Variants in IKZF2 observed in about 807,000 individuals in gnomAD.
The protein encoded by IKZF2 is IKAROS family zinc finger 2, also known as zinc finger protein Helios.
A neutral mutation model predicts 49.2 loss-of-function variants in IKZF2; 15 were observed. That is an observed-to-expected ratio of 0.30 (90% CI 0.20 to 0.47). The LOEUF (loss-of-function observed/expected upper bound fraction) is 0.47. Ranked by LOEUF, IKZF2 falls within the 20% of genes least tolerant of loss-of-function variation. The pLI, the probability that IKZF2 is intolerant of heterozygous loss-of-function variation, is 1.00. For synonymous variants in IKZF2, 227 were observed against 221.4 expected (o/e 1.03, Z -0.23); for missense variants, 567 against 664.6 (o/e 0.85, Z 1.61).
intron 6 of IKZF2, among the ~76,000 whole-genome samples, chr2:213,043,546 A>G (rs1347284821): frequency 1.3e-5 from 2 of 152,366 alleles, no homozygotes; most frequent in African/African-American, 2.4e-5. Context: ...TTAATACTCT[A>G]TATCAGCAGT....
chr2:212,999,709 G>C lies in IKZF2; in HGVS notation c.*7651C>G, dbSNP rs1214546460. 2.0e-5 allele frequency: 3 copies of C among 152,336 alleles called. No individual in the cohort carries two copies. The highest frequency in any genetic ancestry group is 3.9e-4 in the East Asian group (2 of 5,186). The allele number at this position is 152,336 out of a possible 1,614,324, so 9.4% of individuals were successfully genotyped here. A position where few individuals can be genotyped will look rare whatever the true frequency, so the allele number is the denominator to read the frequency against. On this transcript the variant is annotated 3_prime_UTR_variant, in exon 9 of 9. Coordinates refer to ENST00000434687, the MANE Select transcript of IKZF2 (RefSeq NM_001387220.1). ...TTTTTATAGCAAACTTTTTATGTCAGAAGTTTATTTTATTGGTAAAATATT... is the reference window on the plus strand; with the variant it reads ...TTTTTATAGCAAACTTTTTATGTCACAAGTTTATTTTATTGGTAAAATATT...
intron 4 of IKZF2, among the ~76,000 whole-genome samples, chr2:213,085,305 T>G (rs548804431): frequency 3.3e-5 from 5 of 152,320 alleles, no homozygotes; most frequent in Non-Finnish European, 5.9e-5. Context: ...AAAAGCCTTT[T>G]GGACACATGT....
At chr2:213,147,642 A>G (rs2061122822) in intron 4 of IKZF2, 66 bp downstream of exon 4, 1 of 1,209,448 alleles carries the variant, frequency 8.3e-7, no homozygotes, top group African/African-American at 1.5e-5. Context: ...CACAGACCTA[A>G]CAAATTAAAG....
chr2:213,148,689 G>A (rs1202958761), intron 2 of IKZF2, 45 bp from the exon 3 acceptor site: 28 of 1,471,656 alleles, frequency 1.9e-5, no homozygotes, highest in Non-Finnish European at 2.6e-5. Context: ...ATTCCTTTCA[G>A]TATCTGCCAT....
rs192453465 is a variant in IKZF2 at position 213,105,173 on chromosome 2, T to C, written c.139+42535A>G. On this transcript the variant is annotated intron_variant, in intron 4 of 8. Coordinates refer to ENST00000434687, the MANE Select transcript of IKZF2 (RefSeq NM_001387220.1). ...CAGGGACTCCCTGAAATGTCCAATT[T>C]ATTCCCCTGACCCTCCCAAAAGGTT... is the stretch of plus-strand genomic sequence containing the variant. Among the ~76,000 whole-genome samples the C allele has an allele frequency of 8.9e-4, 135 of 152,208 alleles. 1 individual carries two copies. The highest frequency in any genetic ancestry group is 3.1e-3 in the African/African-American group (127 of 41,532).
At chr2:213,042,135 C>T (rs1482443417) in intron 6 of IKZF2, among the ~76,000 whole-genome samples, 7 of 148,642 alleles carry the variant, frequency 4.7e-5, no homozygotes, top group Non-Finnish European at 9.1e-5. Flanking sequence ...CTAGACAGCA[C>T]ATTTTTTTTT....
In IKZF2 at chr2:213,150,310, C is replaced by T. The variant is rs1575017517; in HGVS notation, c.-119-63G>A. On this transcript the variant is annotated intron_variant, in intron 1 of 8. Transcript: ENST00000434687. The stretch of plus-strand genomic sequence containing the variant: ...GTGTTTCCCCCTTCTCTCTTTCCCT[C>T]CCTTGCCCCCTCCAAGCCAAGCCCC... The T allele has an allele frequency of 8.7e-6, 5 of 575,656 alleles. No homozygotes were observed. In the East Asian group the frequency reaches 2.0e-4, roughly 23 times the overall value. 35.7% of individuals were successfully genotyped at this position (575,656 alleles called of 1,614,324 possible).
chr2:213,073,017 T>C (rs1022749984), intron 4 of IKZF2, among the ~76,000 whole-genome samples: 2 of 152,126 alleles, frequency 1.3e-5, no homozygotes, highest in Admixed American at 1.3e-4. Context: ...AGAATACTTA[T>C]CCAGTATAAG....
chr2:213,028,636 G>A (rs922560640), intron 6 of IKZF2, among the ~76,000 whole-genome samples: 2 of 152,052 alleles, frequency 1.3e-5, no homozygotes, highest in Non-Finnish European at 2.9e-5. Flanking sequence ...TATAATCAAT[G>A]GCATTGCTTT....
At chr2:213,024,416 A>G (rs996137269) in intron 6 of IKZF2, among the ~76,000 whole-genome samples, 2 of 152,176 alleles carry the variant, frequency 1.3e-5, no homozygotes, top group Non-Finnish European at 2.9e-5. Context: ...TCCGTATGCA[A>G]CTGACAGTCT....
chr2:213,042,637 A>T (rs1237998505), intron 6 of IKZF2, among the ~76,000 whole-genome samples: 1 of 152,222 alleles, frequency 6.6e-6, no homozygotes, highest in Non-Finnish European at 1.5e-5. Flanking sequence ...ATTTCTAAAG[A>T]AGTGAATGTG....
At chr2:213,132,585 G>C (rs1395376361) in intron 4 of IKZF2, among the ~76,000 whole-genome samples, 1 of 152,146 alleles carries the variant, frequency 6.6e-6, no homozygotes, top group African/African-American at 2.4e-5. Flanking sequence ...AACACATAGA[G>C]CACCATAAGT....
At chr2:213,009,282 C>T (rs1367180919) in intron 8 of IKZF2, among the ~76,000 whole-genome samples, 4 of 152,122 alleles carry the variant, frequency 2.6e-5, no homozygotes, top group Non-Finnish European at 2.9e-5. Context: ...GTGCTTGCAA[C>T]GGGAAAAGTA....
intron 2 of IKZF2, among the ~76,000 whole-genome samples, chr2:213,149,690 T>C (rs1239202941): frequency 6.6e-6 from 1 of 152,112 alleles, no homozygotes; most frequent in South Asian, 2.1e-4. Flanking sequence ...TCTCCATTAC[T>C]TACTGGAAAA....
intron 4 of IKZF2, among the ~76,000 whole-genome samples, chr2:213,120,806 T>C (rs1223944959): frequency 6.6e-6 from 1 of 152,142 alleles, no homozygotes; most frequent in African/African-American, 2.4e-5. Context: ...AGTTGCAAGA[T>C]CTTGGCTCAC....
intron 4 of IKZF2, among the ~76,000 whole-genome samples, chr2:213,144,781 T>G (rs2060990459): frequency 6.6e-6 from 1 of 151,972 alleles, no homozygotes; most frequent in African/African-American, 2.4e-5. Flanking sequence ...AGAAAAAGTT[T>G]AAAGTTCTCT....
intron 4 of IKZF2, among the ~76,000 whole-genome samples, chr2:213,074,594 C>A (rs1703059173): frequency 2.0e-5 from 3 of 152,052 alleles, no homozygotes; most frequent in Admixed American, 6.5e-5. Context: ...ATAACAAAAG[C>A]CTAACAAAAC....
intron 6 of IKZF2, among the ~76,000 whole-genome samples, chr2:213,044,148 A>AG (rs2125291252): frequency 6.6e-6 from 1 of 152,274 alleles, no homozygotes; most frequent in East Asian, 1.9e-4. Context: ...AGGTTAGCAA[A>AG]GGCTACATTC....
intron 4 of IKZF2, among the ~76,000 whole-genome samples, chr2:213,134,402 G>A (rs1041046745): frequency 1.3e-5 from 2 of 152,170 alleles, no homozygotes; most frequent in Non-Finnish European, 2.9e-5. Flanking sequence ...CCGCATCCAC[G>A]ATAATTTAGG....
Sources: gnomAD v4.1 joint callset for allele counts (sites outside exome capture counted in the v4.1 genomes callset) on GRCh38, gnomAD v4.1.1 for gene constraint, MANE v1.5 for transcripts, NCBI Gene and HGNC (gene_info 2026-07-23, HGNC 2026-07-21) for gene names.